COL4A4: variants seen among roughly 807,000 people sequenced by gnomAD.
COL4A4 encodes the protein collagen type IV alpha 4 chain, also known as collagen alpha-4(IV) chain.
COL4A4 carries 105 observed loss-of-function variants against 192.9 expected under a neutral mutation model. That is an observed-to-expected ratio of 0.54 (90% CI 0.46 to 0.64). The LOEUF (loss-of-function observed/expected upper bound fraction) is 0.64. Ranked by LOEUF, COL4A4 falls within the 30% of genes least tolerant of loss-of-function variation. The pLI, the probability that COL4A4 is intolerant of heterozygous loss-of-function variation, is 0.00. For synonymous variants in COL4A4, 762 were observed against 769.9 expected, an observed-to-expected ratio of 0.99 and a Z score of 0.17; for missense variants, 1,967 against 2,169.3, an observed-to-expected ratio of 0.91 and a Z score of 1.85.
chr2:227,030,719 A>G (rs1438875877), intron 40 of COL4A4, 121 bp from the exon 41 acceptor site: 1 of 698,378 alleles, frequency 1.4e-6, no homozygotes, highest in African/African-American at 1.8e-5. Flanking sequence ...AAAGAGAATT[A>G]GAAGAATAAG....
chr2:227,081,965 T>A, intron 23 of COL4A4, 150 bp downstream of exon 23: 1 of 755,202 alleles, frequency 1.3e-6, no homozygotes, highest in Non-Finnish European at 2.4e-6. Context: ...TCATACAACC[T>A]TATGAAGGGC....
chr2:227,130,501 C>A (rs1368570800), intron 4 of COL4A4, among the ~76,000 whole-genome samples: 1 of 152,244 alleles, frequency 6.6e-6, no homozygotes, highest in Non-Finnish European at 1.5e-5. Flanking sequence ...AGCATCCCTG[C>A]CCCTTGGCCT....
Position 227,020,910 on chromosome 2 carries a change from G to A in COL4A4, c.4216+1138C>T, listed in dbSNP as rs139497655. 7.7e-3 allele frequency among the ~76,000 whole-genome samples: 1,013 copies of A among 131,694 alleles called. 15 individuals are homozygous for A. Among genetic ancestry groups the A allele is most frequent in the African/African-American group, 0.03 (969 of 32,528 alleles). 86.4% of individuals were successfully genotyped at this position (131,694 alleles called of 152,430 possible). A position where few individuals can be genotyped will look rare whatever the true frequency, so the allele number is the denominator to read the frequency against. On this transcript the variant is annotated intron_variant, in intron 44 of 47. Coordinates refer to ENST00000396625, the MANE Select transcript of COL4A4 (RefSeq NM_000092.5). ...TTTTTTTTTTTTGAGATGGAGTTTC[G>A]CTCTTGTTGCCCAGACTGGAGTGCA...
In COL4A4 at chr2:227,147,321, C is replaced by T. The variant is rs745782974; in HGVS notation, c.71+92G>A. The T allele has an allele frequency of 3.2e-5, 40 of 1,237,876 alleles. No homozygotes were observed. The South Asian group carries it at 4.1e-4, about 13-fold the overall frequency. 76.7% of individuals were successfully genotyped at this position (1,237,876 alleles called of 1,614,324 possible). On this transcript the variant is annotated intron_variant, in intron 2 of 47. Transcript: ENST00000396625. ...TTTCTGGAATGATTTGGCTTTTTGA[C>T]ATATTAAGCATTCAGACGGTTTACA...
Position 227,042,040 on chromosome 2 carries a change from G to A in COL4A4, c.3505+108C>T, listed in dbSNP as rs146777900. On this transcript the variant is annotated intron_variant, in intron 37 of 47. Transcript: ENST00000396625. ...ATGCTAATGGCACCTACGGAAAAGAGTGGTATAACCAAGAGCAGGGTCACT... is the reference window on the plus strand; with the variant it reads ...ATGCTAATGGCACCTACGGAAAAGAATGGTATAACCAAGAGCAGGGTCACT... 6.5e-3 allele frequency: 5,152 copies of A among 787,580 alleles called. 29 individuals are homozygous for A. Among genetic ancestry groups the A allele is most frequent in the Non-Finnish European group, 9.8e-3 (4,206 of 430,794 alleles). The allele number at this position is 787,580 out of a possible 1,614,324, so 48.8% of individuals were successfully genotyped here. A position where few individuals can be genotyped will look rare whatever the true frequency, so the allele number is the denominator to read the frequency against.
At chr2:227,026,966 C>A (rs1290359612) in intron 42 of COL4A4, among the ~76,000 whole-genome samples, 2 of 152,114 alleles carry the variant, frequency 1.3e-5, no homozygotes, top group Non-Finnish European at 2.9e-5. Flanking sequence ...TAGAAACAGT[C>A]TATGTGGGCC....
At chr2:227,148,371 C>A (rs1252659774) in intron 1 of COL4A4, among the ~76,000 whole-genome samples, 1 of 152,186 alleles carries the variant, frequency 6.6e-6, no homozygotes, top group African/African-American at 2.4e-5. Context: ...TGAATCTCGA[C>A]AACATTGTGC....
At position 227,007,604 on chromosome 2, in the gene COL4A4, G is replaced by A. The variant is rs1962444434; in HGVS notation, c.4810-16C>T. 2 of 1,612,220 alleles carry A rather than the reference G, an allele frequency of 1.2e-6. No homozygotes were observed. Among genetic ancestry groups the A allele is most frequent in the African/African-American group, 1.3e-5 (1 of 74,964 alleles). On this transcript the variant is annotated splice_polypyrimidine_tract_variant and intron_variant, in intron 47 of 47. Coordinates refer to ENST00000396625, the MANE Select transcript of COL4A4 (RefSeq NM_000092.5). ...CTCCTGTGTGCTACCCAGAAAACAA[G>A]AGAGAATTAGGGCTCAGACACACAC... is the stretch of plus-strand genomic sequence containing the variant.
At chr2:227,104,920 C>T (rs939505202) in intron 12 of COL4A4, among the ~76,000 whole-genome samples, 10 of 112,042 alleles carry the variant, frequency 8.9e-5, no homozygotes, top group African/African-American at 2.6e-4. Flanking sequence ...GGATTACAAG[C>T]GTGAGCCACC....
intron 43 of COL4A4, among the ~76,000 whole-genome samples, chr2:227,024,628 C>T (rs1012346256): frequency 6.6e-6 from 1 of 152,180 alleles, no homozygotes; most frequent in Non-Finnish European, 1.5e-5. Flanking sequence ...GGCATAACAA[C>T]AAAGTTTTAG....
chr2:226,984,899 C>T, the COL4A4 span, among the ~76,000 whole-genome samples: 12 of 147,480 alleles, frequency 8.1e-5, no homozygotes, highest in African/African-American at 1.3e-4. Context: ...ATCTCACTTC[C>T]GCCCTTCTGA....
chr2:227,124,392 AC>A (rs1318596822), intron 4 of COL4A4, among the ~76,000 whole-genome samples: 2 of 152,222 alleles, frequency 1.3e-5, no homozygotes, highest in Non-Finnish European at 2.9e-5. Flanking sequence ...AAGATTAGTT[AC>A]CACTTCTTGC....
intron 1 of COL4A4, 85 bp from the exon 2 acceptor site, chr2:227,147,669 A>G (rs1007016195): frequency 1.8e-6 from 1 of 562,228 alleles, no homozygotes; most frequent in African/African-American, 1.9e-5. Flanking sequence ...CGTTATGGAA[A>G]TATTTTCTAA....
At chr2:227,115,827 T>C (rs1003036807) in intron 7 of COL4A4, among the ~76,000 whole-genome samples, 4 of 152,220 alleles carry the variant, frequency 2.6e-5, no homozygotes, top group Non-Finnish European at 5.9e-5. Flanking sequence ...TTCAGTTTCA[T>C]AGTTAAGTTA....
chr2:227,089,128 T>A (rs2059761752), intron 21 of COL4A4, among the ~76,000 whole-genome samples: 1 of 151,978 alleles, frequency 6.6e-6, no homozygotes, highest in Non-Finnish European at 1.5e-5. Flanking sequence ...TAAAAATAAT[T>A]CAACTTTTTT....
intron 17 of COL4A4, among the ~76,000 whole-genome samples, chr2:227,100,291 G>A (rs1348057535): frequency 6.6e-6 from 1 of 152,076 alleles, no homozygotes; most frequent in Non-Finnish European, 1.5e-5. Context: ...AAACTCTCAT[G>A]ATTATTCACC....
At chr2:227,070,999 C>T (rs1416132284) in intron 25 of COL4A4, among the ~76,000 whole-genome samples, 3 of 152,008 alleles carry the variant, frequency 2.0e-5, no homozygotes, top group African/African-American at 7.2e-5. Context: ...AATACAATAA[C>T]ACAATGAAAA....
chr2:226,970,641 T>C, the COL4A4 span, among the ~76,000 whole-genome samples: 1 of 152,250 alleles, frequency 6.6e-6, no homozygotes, highest in Non-Finnish European at 1.5e-5. Context: ...CCTGGAGGAA[T>C]AAAGATGTAA....
At chr2:227,143,806 T>C (rs1233806329) in intron 3 of COL4A4, among the ~76,000 whole-genome samples, 4 of 152,228 alleles carry the variant, frequency 2.6e-5, no homozygotes, top group East Asian at 1.9e-4. Flanking sequence ...CTGAGTCTTA[T>C]ATAAGTTAAG....
Sources: allele counts gnomAD v4.1 joint callset (sites outside exome capture counted in the v4.1 genomes callset), GRCh38; gene constraint gnomAD v4.1.1; transcripts MANE v1.5; gene names NCBI Gene and HGNC (gene_info 2026-07-23, HGNC 2026-07-21).